CNOT4: variants seen among roughly 807,000 people sequenced by gnomAD.
The protein encoded by CNOT4 is CCR4-NOT transcription complex subunit 4.
In CNOT4, 8 loss-of-function variants were observed where a neutral mutation model predicts 73.8. That is an observed-to-expected ratio of 0.11 (90% CI 0.06 to 0.20). The LOEUF is 0.20. Among genes scored for constraint, CNOT4 ranks in the 10% least tolerant of loss-of-function variants. The probability of loss-of-function intolerance (pLI) is 1.00; values close to 1 mark genes in which losing one functional copy is unlikely to be tolerated. For synonymous variants in CNOT4, 293 were observed against 321.1 expected (o/e 0.91, Z 0.94); for missense variants, 564 against 883.4 (o/e 0.64, Z 4.58).
At chr7:135,424,545 G>A (rs1474704586) in intron 2 of CNOT4, among the ~76,000 whole-genome samples, 1 of 152,220 alleles carries the variant, frequency 6.6e-6, no homozygotes, top group East Asian at 1.9e-4. Context: ...AGCACTTTGG[G>A]AGGCTGAGGT....
intron 10 of CNOT4, chr7:135,388,166 C>A: frequency 1.0e-6 from 1 of 985,236 alleles, no homozygotes; most frequent in Non-Finnish European, 1.2e-6. Context: ...TTTTAACCAT[C>A]TATGCATAAT....
chr7:135,495,763 A>T lies in CNOT4; in HGVS notation c.-93+14126T>A, dbSNP rs186626403. ...GAAAGAAAGAAAGAAAGAAAGAAAG[A>T]AATTTAAGAACATTCAGGGCTGGGT... On this transcript the variant is annotated intron_variant, in intron 1 of 11. Transcript: ENST00000541284. 1.5e-3 allele frequency among the ~76,000 whole-genome samples: 216 copies of T among 141,138 alleles called. 4 individuals carry two copies. The highest frequency in any genetic ancestry group is 4.8e-3 in the African/African-American group (182 of 37,854). 92.6% of individuals were successfully genotyped at this position (141,138 alleles called of 152,430 possible).
intron 1 of CNOT4, among the ~76,000 whole-genome samples, chr7:135,494,935 G>A (rs1803365670): frequency 6.6e-6 from 1 of 152,092 alleles, no homozygotes; most frequent in Non-Finnish European, 1.5e-5. Context: ...TACTTCAGCA[G>A]TAGATAATAG....
intron 10 of CNOT4, among the ~76,000 whole-genome samples, chr7:135,365,159 C>G (rs769021151): frequency 1.1e-4 from 17 of 152,196 alleles, no homozygotes; most frequent in Admixed American, 4.6e-4. Context: ...TTTGCACCAA[C>G]CACTGATCAA....
chr7:135,453,267 C>T (rs1800288690), intron 1 of CNOT4, among the ~76,000 whole-genome samples: 2 of 152,136 alleles, frequency 1.3e-5, no homozygotes, highest in Middle Eastern at 3.4e-3. Context: ...AAGTGCAAGA[C>T]CCAGTCTTAG....
intron 1 of CNOT4, among the ~76,000 whole-genome samples, chr7:135,471,607 T>C (rs1433170726): frequency 1.3e-5 from 2 of 152,232 alleles, no homozygotes; most frequent in African/African-American, 2.4e-5. Context: ...AAGTAAATTA[T>C]CTATTTTATG....
At chr7:135,485,512 C>T (rs537141035) in intron 1 of CNOT4, among the ~76,000 whole-genome samples, 20 of 152,296 alleles carry the variant, frequency 1.3e-4, no homozygotes, top group Admixed American at 1.2e-3. Context: ...TATACCGCTA[C>T]AGCAATTAAA....
intron 1 of CNOT4, among the ~76,000 whole-genome samples, chr7:135,493,207 T>G (rs1171394381): frequency 6.6e-6 from 1 of 152,116 alleles, no homozygotes; most frequent in East Asian, 1.9e-4. Flanking sequence ...TTTGCTTGTT[T>G]GTTTTTAGAG....
At chr7:135,427,878 G>A (rs1798593222) in intron 2 of CNOT4, among the ~76,000 whole-genome samples, 1 of 152,132 alleles carries the variant, frequency 6.6e-6, no homozygotes, top group African/African-American at 2.4e-5. Context: ...AACAATAAAT[G>A]GGGTAGGGAG....
chr7:135,437,448 CA>C (rs545385574), intron 2 of CNOT4, among the ~76,000 whole-genome samples: 172 of 152,074 alleles, frequency 1.1e-3, no homozygotes, highest in Admixed American at 1.2e-3. Flanking sequence ...CTCAGCCTCC[CA>C]AAGTGCTGGG....
chr7:135,453,622 G>A (rs1470201451), intron 1 of CNOT4, among the ~76,000 whole-genome samples: 1 of 151,066 alleles, frequency 6.6e-6, no homozygotes, highest in African/African-American at 2.4e-5. Flanking sequence ...GCAGATAACA[G>A]GTATCTGGGT....
chr7:135,479,633 C>T (rs928851988), intron 1 of CNOT4, among the ~76,000 whole-genome samples: 2 of 152,028 alleles, frequency 1.3e-5, no homozygotes, highest in African/African-American at 2.4e-5. Context: ...CAAGGTGGCT[C>T]ACACCTGTAA....
At chr7:135,427,429 T>C (rs1388868508) in intron 2 of CNOT4, among the ~76,000 whole-genome samples, 1 of 152,180 alleles carries the variant, frequency 6.6e-6, no homozygotes, top group Middle Eastern at 3.2e-3. Context: ...TCCACTGTCA[T>C]AGTACTCATT....
intron 1 of CNOT4, among the ~76,000 whole-genome samples, chr7:135,484,105 G>A (rs1237197932): frequency 6.6e-6 from 1 of 152,148 alleles, no homozygotes; most frequent in African/African-American, 2.4e-5. Flanking sequence ...TGAGGCAGAA[G>A]AATCACTTGA....
chr7:135,447,782 G>A (rs1799919244), intron 1 of CNOT4, among the ~76,000 whole-genome samples: 2 of 152,204 alleles, frequency 1.3e-5, no homozygotes, highest in Admixed American at 1.3e-4. Flanking sequence ...CTAGTTTGCA[G>A]GTGAGAACCA....
In CNOT4 at chr7:135,364,083, C is replaced by T. The variant is rs1563006401; in HGVS notation, c.1628-17G>A. 2 of 1,490,630 alleles carry T rather than the reference C, an allele frequency of 1.3e-6. No homozygotes were observed. The highest frequency in any genetic ancestry group is 1.4e-5 in the African/African-American group (1 of 70,648). 92.3% of individuals were successfully genotyped at this position (1,490,630 alleles called of 1,614,324 possible). ...TGCTGTTGTCTGGGAGATTTACCAACAAAAAAATGAAAGATAAAAAAAAAT... is the reference window on the plus strand; with the variant it reads ...TGCTGTTGTCTGGGAGATTTACCAATAAAAAAATGAAAGATAAAAAAAAAT... On this transcript the variant is annotated splice_polypyrimidine_tract_variant and intron_variant, in intron 10 of 11. Transcript: ENST00000541284. The surrounding 1 kb of genome is among the most constrained non-coding windows in gnomAD (Gnocchi z 4.3).
At chr7:135,469,788 T>A (rs1462282847) in intron 1 of CNOT4, among the ~76,000 whole-genome samples, 4 of 151,832 alleles carry the variant, frequency 2.6e-5, no homozygotes, top group Non-Finnish European at 5.9e-5. Context: ...CATGAGCAGT[T>A]TTTTGTTGTT....
At chr7:135,437,250 C>T (rs1392033966) in intron 2 of CNOT4, among the ~76,000 whole-genome samples, 2 of 151,742 alleles carry the variant, frequency 1.3e-5, no homozygotes, top group Non-Finnish European at 2.9e-5. Context: ...AGTGCTGTGG[C>T]ACGATCTCGG....
chr7:135,495,925 T>C (rs1803544649), intron 1 of CNOT4, among the ~76,000 whole-genome samples: 1 of 151,874 alleles, frequency 6.6e-6, no homozygotes, highest in Admixed American at 6.6e-5. Context: ...CAAAGGAAGA[T>C]CCTGTCTCTA....
Sources: gnomAD v4.1 joint callset for allele counts (sites outside exome capture counted in the v4.1 genomes callset) on GRCh38, gnomAD v4.1.1 for gene constraint, Gnocchi (gnomAD v3.1) non-coding constraint, MANE v1.5 for transcripts, NCBI Gene and HGNC (gene_info 2026-07-23, HGNC 2026-07-21) for gene names.